HS3ST4: variants seen among roughly 807,000 people sequenced by gnomAD.
The protein encoded by HS3ST4 is heparan sulfate-glucosamine 3-sulfotransferase 4, also known as heparan sulfate glucosamine 3-O-sulfotransferase 4.
A neutral mutation model predicts 29.2 loss-of-function variants in HS3ST4; 17 were observed. The observed-to-expected ratio is 0.58, with a 90% CI of 0.40 to 0.87. The LOEUF is 0.87. HS3ST4 is among the 40% of genes least tolerant of loss of function. The pLI, the probability that HS3ST4 is intolerant of heterozygous loss-of-function variation, is 0.00. For missense variants in HS3ST4, 627 were observed against 634.5 expected, an observed-to-expected ratio of 0.99 and a Z score of 0.13; for synonymous variants, 314 against 285.7, an observed-to-expected ratio of 1.10 and a Z score of -1.00.
At chr16:25,932,999 T>C (rs1435553197) in intron 1 of HS3ST4, among the ~76,000 whole-genome samples, 1 of 152,212 alleles carries the variant, frequency 6.6e-6, no homozygotes, top group Non-Finnish European at 1.5e-5. Context: ...ATCAGAGCCT[T>C]TCTGTTTATT....
chr16:26,065,629 A>G (rs1436311504), intron 1 of HS3ST4, among the ~76,000 whole-genome samples: 1 of 152,016 alleles, frequency 6.6e-6, no homozygotes, highest in Non-Finnish European at 1.5e-5. Context: ...TCAAAATAAA[A>G]GCGAAAAAAA....
At chr16:25,928,519 G>A (rs1968432057) in intron 1 of HS3ST4, among the ~76,000 whole-genome samples, 1 of 152,128 alleles carries the variant, frequency 6.6e-6, no homozygotes, top group Non-Finnish European at 1.5e-5. Flanking sequence ...AATCTAACAA[G>A]CACACCTCCA....
chr16:25,757,331 G>T (rs908967391), intron 1 of HS3ST4, among the ~76,000 whole-genome samples: 3 of 152,060 alleles, frequency 2.0e-5, no homozygotes, highest in African/African-American at 7.2e-5. Context: ...CTTGGTTCAA[G>T]TTATTTAACT....
intron 1 of HS3ST4, among the ~76,000 whole-genome samples, chr16:26,023,686 C>T (rs1198234563): frequency 6.6e-6 from 1 of 151,958 alleles, no homozygotes; most frequent in African/African-American, 2.4e-5. Flanking sequence ...GATTTATAGA[C>T]ATGAGCCATC....
intron 1 of HS3ST4, among the ~76,000 whole-genome samples, chr16:25,979,659 A>G (rs1968983304): frequency 1.3e-5 from 2 of 152,208 alleles, no homozygotes; most frequent in African/African-American, 2.4e-5. Flanking sequence ...TTCATTATAT[A>G]TTACAACGTA....
At chr16:25,871,378 A>C (rs369006411) in intron 1 of HS3ST4, among the ~76,000 whole-genome samples, 1 of 152,212 alleles carries the variant, frequency 6.6e-6, no homozygotes, top group East Asian at 1.9e-4. Flanking sequence ...TGTGGTTGCC[A>C]CAGAGAAGGT....
intron 1 of HS3ST4, among the ~76,000 whole-genome samples, chr16:25,773,647 C>T (rs1302775885): frequency 6.6e-6 from 1 of 152,138 alleles, no homozygotes; most frequent in Non-Finnish European, 1.5e-5. Flanking sequence ...TGCAGGAAAA[C>T]AGGTTAAAAA....
intron 1 of HS3ST4, among the ~76,000 whole-genome samples, chr16:26,036,792 T>A (rs1969587185): frequency 6.6e-6 from 1 of 152,148 alleles, no homozygotes; most frequent in African/African-American, 2.4e-5. Context: ...GTTTCTTTGC[T>A]GCAGACACAG....
intron 1 of HS3ST4, among the ~76,000 whole-genome samples, chr16:25,980,477 C>T (rs1055123080): frequency 1.2e-4 from 18 of 152,156 alleles, no homozygotes; most frequent in African/African-American, 4.3e-4. Context: ...GCGTTTATCA[C>T]CATGTATCGA....
intron 1 of HS3ST4, among the ~76,000 whole-genome samples, chr16:26,065,042 A>G (rs1030773405): frequency 1.3e-5 from 2 of 152,234 alleles, no homozygotes; most frequent in African/African-American, 4.8e-5. Flanking sequence ...TTAATGATCA[A>G]TGATGTTGAG....
At chr16:25,753,761 C>G (rs946341693) in intron 1 of HS3ST4, among the ~76,000 whole-genome samples, 4 of 152,142 alleles carry the variant, frequency 2.6e-5, no homozygotes, top group Non-Finnish European at 5.9e-5. Flanking sequence ...TTTTATGCCA[C>G]AAGGCCAATA....
At chr16:25,992,475 A>C (rs577402451) in intron 1 of HS3ST4, among the ~76,000 whole-genome samples, 3 of 152,332 alleles carry the variant, frequency 2.0e-5, no homozygotes, top group African/African-American at 7.2e-5. Context: ...GTTGTGTCTA[A>C]GATATGACAA....
At chr16:25,776,639 A>AT (rs1461356614) in intron 1 of HS3ST4, among the ~76,000 whole-genome samples, 1 of 152,152 alleles carries the variant, frequency 6.6e-6, no homozygotes, top group East Asian at 1.9e-4. Flanking sequence ...CCTGTGTCAA[A>AT]TTTTCAAGGA....
chr16:25,939,475 T>C lies in HS3ST4; in HGVS notation c.735-196137T>C, dbSNP rs1016324702. 2.6e-5 allele frequency among the ~76,000 whole-genome samples: 4 copies of C among 151,898 alleles called. No individual in the cohort carries two copies. The South Asian group carries it at 6.2e-4, about 24-fold the overall frequency. On this transcript the variant is annotated intron_variant, in intron 1 of 1. Coordinates refer to ENST00000331351, the MANE Select transcript of HS3ST4 (RefSeq NM_006040.3). ...GCCTCAGCCTCCCGAGTAGCTGGGA[T>C]TACAGGCGCCCACTACCATGCCTGG...
chr16:25,839,617 A>G (rs932817606), intron 1 of HS3ST4, among the ~76,000 whole-genome samples: 6 of 152,168 alleles, frequency 3.9e-5, no homozygotes, highest in South Asian at 2.1e-4. Context: ...TTTCCTGACA[A>G]TAGGGCTTTG....
intron 1 of HS3ST4, among the ~76,000 whole-genome samples, chr16:25,794,572 A>T (rs34977334): frequency 1.3e-5 from 2 of 151,580 alleles, no homozygotes; most frequent in Non-Finnish European, 2.9e-5. Context: ...CTGGTTTCCA[A>T]TGTTTTCTTG....
chr16:25,904,985 T>C (rs1968165596), intron 1 of HS3ST4, among the ~76,000 whole-genome samples: 1 of 152,228 alleles, frequency 6.6e-6, no homozygotes, highest in African/African-American at 2.4e-5. Flanking sequence ...TAGCAGACTC[T>C]GAGCTGAGTA....
At chr16:26,024,832 G>T (rs1596648224) in intron 1 of HS3ST4, among the ~76,000 whole-genome samples, 1 of 152,212 alleles carries the variant, frequency 6.6e-6, no homozygotes, top group East Asian at 1.9e-4. Flanking sequence ...TTGACAGAGT[G>T]TAATCTAGCA....
chr16:25,984,178 A>G (rs1031531067), intron 1 of HS3ST4, among the ~76,000 whole-genome samples: 6 of 152,070 alleles, frequency 3.9e-5, no homozygotes, highest in African/African-American at 1.4e-4. Flanking sequence ...TATTCCTCCT[A>G]TCTCACTATA....
Sources: gnomAD v4.1 joint callset for allele counts (sites outside exome capture counted in the v4.1 genomes callset) on GRCh38, gnomAD v4.1.1 for gene constraint, MANE v1.5 for transcripts, NCBI Gene and HGNC (gene_info 2026-07-23, HGNC 2026-07-21) for gene names.